Variants in DNAJC13 observed in about 807,000 individuals in gnomAD.
The protein encoded by DNAJC13 is DnaJ heat shock protein family (Hsp40) member C13.
In DNAJC13, 75 loss-of-function variants were observed where a neutral mutation model predicts 290.5. That is an observed-to-expected ratio of 0.26 (90% CI 0.21 to 0.31). DNAJC13 has a LOEUF of 0.31. Among genes scored for constraint, DNAJC13 ranks in the 10% least tolerant of loss-of-function variants. DNAJC13 has a pLI of 1.00. For synonymous variants in DNAJC13, 862 were observed against 892.0 expected (o/e 0.97, Z 0.60); for missense variants, 2,260 against 2,674.5 (o/e 0.85, Z 3.42).
At chr3:132,500,104 A>C (rs1935363272) in intron 38 of DNAJC13, among the ~76,000 whole-genome samples, 1 of 152,170 alleles carries the variant, frequency 6.6e-6, no homozygotes, top group South Asian at 2.1e-4. Flanking sequence ...TTGAACCCAT[A>C]TGTTTCCATT....
chr3:132,483,342 T>G, intron 27 of DNAJC13, 33 bp from the exon 28 acceptor site: 1 of 1,591,714 alleles, frequency 6.3e-7, no homozygotes, highest in Non-Finnish European at 8.6e-7. Context: ...CATTTTATTT[T>G]GTCTGTTTGT....
At chr3:132,492,645 T>G (rs1271041738) in intron 33 of DNAJC13, 30 bp downstream of exon 33, 1 of 1,600,892 alleles carries the variant, frequency 6.2e-7, no homozygotes, top group Admixed American at 1.7e-5. Flanking sequence ...TGTGCCACCT[T>G]AAGCCATAAA....
chr3:132,462,951 G>T (rs1933851287), intron 16 of DNAJC13, among the ~76,000 whole-genome samples: 1 of 152,198 alleles, frequency 6.6e-6, no homozygotes, highest in African/African-American at 2.4e-5. Flanking sequence ...TTGTAATTGA[G>T]CTCTAGAGAT....
chr3:132,477,135 G>C (rs78823596), intron 22 of DNAJC13, among the ~76,000 whole-genome samples: 4,317 of 152,240 alleles, frequency 0.028, 211 homozygotes, highest in African/African-American at 0.098. Context: ...ATGAAATGAA[G>C]ATATATATTT....
chr3:132,502,102 T>G (rs775402839), intron 39 of DNAJC13, among the ~76,000 whole-genome samples, 187 bp from the exon 40 acceptor site: 2 of 152,230 alleles, frequency 1.3e-5, no homozygotes, highest in Non-Finnish European at 2.9e-5. Context: ...ATGAGGTCAC[T>G]TTTAATTTTA....
chr3:132,478,201 T>G, intron 24 of DNAJC13, 61 bp downstream of exon 24: 1 of 1,416,514 alleles, frequency 7.1e-7, no homozygotes. Flanking sequence ...GTGTTAAATT[T>G]TAAAAACTAA....
intron 24 of DNAJC13, among the ~76,000 whole-genome samples, chr3:132,478,480 A>G (rs1427255471): frequency 2.0e-5 from 3 of 152,250 alleles, no homozygotes; most frequent in Non-Finnish European, 4.4e-5. Context: ...ATTTTGGAAA[A>G]ATCTTAATTG....
rs141090992 is a variant in DNAJC13, at chr3:132,505,383, C to A, written c.4966C>A (p.Leu1656Ile). The A allele has an allele frequency of 2.7e-5, 43 of 1,606,830 alleles. No homozygotes were observed. The highest frequency in any genetic ancestry group is 4.0e-5 in the African/African-American group (3 of 74,640). The change falls in exon 42 of 56, where the codon CTT becomes ATT. Residue 1656 changes from leucine to isoleucine, a missense_variant. By Grantham distance (5) the Leu-to-Ile change is conservative. This residue lies in a region of DNAJC13 where 1,494 missense variants were observed against 1,693.7 expected (regional missense o/e 0.88). Transcript: ENST00000260818. ...TACAAGAGCAGAATTACTTGAATTT[C>A]TTGAATCCCAACAAGAAAACATGAT... is the stretch of plus-strand genomic sequence containing the variant. ...NSTRAELLEF[L>I]ESQQENMIKK...
At chr3:132,436,307 A>G (rs1465196853) in intron 2 of DNAJC13, among the ~76,000 whole-genome samples, 1 of 152,242 alleles carries the variant, frequency 6.6e-6, no homozygotes, top group Non-Finnish European at 1.5e-5. Context: ...AGAATGATAC[A>G]AAATGCTGTA....
chr3:132,474,350 C>G (rs1367495552), intron 21 of DNAJC13: 1 of 152,220 alleles, frequency 6.6e-6, no homozygotes, highest in Non-Finnish European at 1.5e-5. Flanking sequence ...AAGCGACTCT[C>G]CAGCCTCAGC....
chr3:132,460,980 A>G (rs1021047747), intron 14 of DNAJC13, 70 bp from the exon 15 acceptor site: 1 of 1,419,220 alleles, frequency 7.0e-7, no homozygotes. Context: ...AAAGGAACAC[A>G]TTATTGTTAA....
At chr3:132,462,094 A>G (rs989917637) in intron 15 of DNAJC13, among the ~76,000 whole-genome samples, 1 of 152,194 alleles carries the variant, frequency 6.6e-6, no homozygotes, top group Non-Finnish European at 1.5e-5. Flanking sequence ...AGGGCTCTTC[A>G]TAAACACTGG....
chr3:132,477,752 T>C, intron 22 of DNAJC13, 37 bp from the exon 23 acceptor site: 1 of 1,503,334 alleles, frequency 6.7e-7, no homozygotes, highest in Non-Finnish European at 9.1e-7. Context: ...AAATCTATTG[T>C]AAACTAAAAT....
Position 132,453,579 on chromosome 3 carries a change from CT to C in DNAJC13, c.745-19del. 6.2e-7 allele frequency: 1 copy of C among 1,606,716 alleles called. No individual in the cohort carries two copies. The highest frequency in any genetic ancestry group is 8.5e-7 in the Non-Finnish European group (1 of 1,177,596). ...TTTAAAAAATAACTTCTTAATATGT[CT>C]CAATTTTATTTTTTGAAGGAGCCTG... On this transcript the variant is annotated intron_variant, in intron 7 of 55. Transcript: ENST00000260818.
rs1173726688 is a variant in DNAJC13, at chr3:132,516,742, A to G, written c.5599A>G (p.Thr1867Ala). 4.3e-6 allele frequency: 7 copies of G among 1,613,528 alleles called. No individual in the cohort carries two copies. Among genetic ancestry groups the G allele is most frequent in the South Asian group, 1.1e-5 (1 of 91,058 alleles). ...IYLLDMFCNS[T>A]HPQVRAQTAE... Reference sequence around the variant, plus strand: ...TTTACTGGATATGTTCTGCAATTCAACACATCCACAGGTTCGAGCCCAAAC... The same window carrying G: ...TTTACTGGATATGTTCTGCAATTCAGCACATCCACAGGTTCGAGCCCAAAC... Residue 1867 changes from threonine to alanine, a missense_variant, in exon 48 of 56, where the codon ACA (threonine) becomes GCA (alanine). Coordinates refer to ENST00000260818, the MANE Select transcript of DNAJC13 (RefSeq NM_015268.4).
intron 27 of DNAJC13, 98 bp downstream of exon 27, chr3:132,482,428 T>A: frequency 1.1e-6 from 1 of 904,492 alleles, no homozygotes; most frequent in Non-Finnish European, 1.7e-6. Flanking sequence ...AAGCTGTCAT[T>A]TAAATTCCTG....
intron 1 of DNAJC13, among the ~76,000 whole-genome samples, chr3:132,427,969 A>C (rs1001978513): frequency 2.0e-5 from 3 of 152,216 alleles, no homozygotes; most frequent in African/African-American, 7.2e-5. Flanking sequence ...TAAATAGATT[A>C]TTAACATCAT....
In DNAJC13 at chr3:132,487,398, A is replaced by G. The variant is rs1386336993; in HGVS notation, c.3268-900A>G. Among the ~76,000 whole-genome samples the G allele has an allele frequency of 9.2e-5, 14 of 151,782 alleles. No homozygotes were observed. The East Asian group carries it at 2.7e-3, about 29-fold the overall frequency. On this transcript the variant is annotated intron_variant, in intron 29 of 55. Transcript: ENST00000260818. ...CAGCCTCCCGAGTAGCTGGGATTACAGGCACCTGCCACCATGCCCGGCTAA... is the reference window on the plus strand; with the variant it reads ...CAGCCTCCCGAGTAGCTGGGATTACGGGCACCTGCCACCATGCCCGGCTAA...
intron 20 of DNAJC13, among the ~76,000 whole-genome samples, chr3:132,468,079 A>G (rs1336346968): frequency 2.6e-5 from 4 of 152,198 alleles, no homozygotes; most frequent in African/African-American, 9.7e-5. Context: ...TAAATTTTGT[A>G]ATATTTGTTT....
Sources: gnomAD v4.1 joint callset for allele counts (sites outside exome capture counted in the v4.1 genomes callset) on GRCh38, gnomAD v4.1.1 for gene constraint, gnomAD v4.1.1 regional missense constraint, MANE v1.5 for transcripts, NCBI Gene and HGNC (gene_info 2026-07-23, HGNC 2026-07-21) for gene names.